RGS7: variants seen among roughly 807,000 people sequenced by gnomAD.
RGS7 encodes regulator of G protein signaling 7, also known as regulator of G-protein signaling 7.
In RGS7, 27 loss-of-function variants were observed where a neutral mutation model predicts 81.1. The ratio of observed to expected loss-of-function variants is 0.33; its 90% CI spans 0.25 to 0.46. The LOEUF (loss-of-function observed/expected upper bound fraction) is 0.46. RGS7 is among the 20% of genes least tolerant of loss of function. The pLI, the probability that RGS7 is intolerant of heterozygous loss-of-function variation, is 1.00. For synonymous variants in RGS7, 208 were observed against 207.7 expected (o/e 1.00, Z -0.01); for missense variants, 396 against 607.4 (o/e 0.65, Z 3.66).
Position 240,944,300 on chromosome 1 carries a change from A to ATATATGTG in RGS7, c.227-7595_227-7594insCACATATA, listed in dbSNP as rs1678207476. Among the ~76,000 whole-genome samples the ATATATGTG allele has an allele frequency of 2.0e-5, 2 of 100,032 alleles. 1 individual carries two copies. Among genetic ancestry groups the ATATATGTG allele is most frequent in the South Asian group, 7.5e-4 (2 of 2,664 alleles). 65.6% of individuals were successfully genotyped at this position (100,032 alleles called of 152,430 possible). On this transcript the variant is annotated intron_variant, in intron 4 of 18. Transcript: ENST00000440928. ...TGTGTGTGTATATATATATATATAT[A>ATATATGTG]TATATATATATATATATATATATAT...
intron 3 of RGS7, among the ~76,000 whole-genome samples, chr1:241,062,565 T>C (rs950353537): frequency 3.9e-5 from 6 of 152,174 alleles, no homozygotes; most frequent in African/African-American, 7.2e-5. Flanking sequence ...TCAAAATAGG[T>C]GACCTAGAAC....
chr1:241,334,264 T>A (rs1443423138), intron 2 of RGS7, among the ~76,000 whole-genome samples: 1 of 152,106 alleles, frequency 6.6e-6, no homozygotes, highest in Admixed American at 6.6e-5. Flanking sequence ...CTTTTTCCCA[T>A]AAAGAGTAAT....
At chr1:241,120,712 T>A (rs993048634) in intron 2 of RGS7, among the ~76,000 whole-genome samples, 1 of 152,038 alleles carries the variant, frequency 6.6e-6, no homozygotes, top group African/African-American at 2.4e-5. Context: ...AGTACACATA[T>A]GTGTCCAAAA....
intron 2 of RGS7, among the ~76,000 whole-genome samples, chr1:241,268,321 A>T (rs79609565): frequency 0.21 from 31,229 of 152,034 alleles, 4,076 homozygotes; most frequent in African/African-American, 0.34. Context: ...GGGTTTCTCA[A>T]CCTCGGCACT....
chr1:241,000,143 GGT>G (rs1428666127), intron 3 of RGS7, among the ~76,000 whole-genome samples: 3 of 152,098 alleles, frequency 2.0e-5, no homozygotes, highest in Non-Finnish European at 4.4e-5. Flanking sequence ...GGAGAAGTGG[GGT>G]GTTATTACTA....
At chr1:241,193,686 G>A (rs1452731539) in intron 2 of RGS7, among the ~76,000 whole-genome samples, 1 of 152,156 alleles carries the variant, frequency 6.6e-6, no homozygotes, top group East Asian at 1.9e-4. Flanking sequence ...ACCAAGTAGG[G>A]ACAGGGTCTG....
chr1:241,318,288 A>G (rs1167499199), intron 2 of RGS7, among the ~76,000 whole-genome samples: 2 of 152,206 alleles, frequency 1.3e-5, no homozygotes, highest in African/African-American at 4.8e-5. Flanking sequence ...AATATTTCAC[A>G]TTAAATATAA....
rs548223372 is a variant in RGS7 at position 240,930,665 on chromosome 1, C to T, written c.385+52G>A. The T allele has an allele frequency of 2.0e-6, 3 of 1,502,938 alleles. No individual in the cohort carries two copies. The African/African-American group carries it at 4.1e-5, about 21-fold the overall frequency. 93.1% of individuals were successfully genotyped at this position (1,502,938 alleles called of 1,614,324 possible). A position where few individuals can be genotyped will look rare whatever the true frequency, so the allele number is the denominator to read the frequency against. ...AAAGCAATAAAACGCAAGTACACATCCATCTACACATACAGGCTGTCAATA... is the reference window on the plus strand; with the variant it reads ...AAAGCAATAAAACGCAAGTACACATTCATCTACACATACAGGCTGTCAATA... On this transcript the variant is annotated intron_variant, in intron 6 of 18. Transcript: ENST00000440928.
At chr1:241,160,744 G>T (rs181887612) in intron 2 of RGS7, among the ~76,000 whole-genome samples, 1 of 152,236 alleles carries the variant, frequency 6.6e-6, no homozygotes, top group African/African-American at 2.4e-5. Flanking sequence ...TGATATCTAC[G>T]TTGCCCTGGG....
At chr1:241,110,571 G>A (rs939902210) in intron 2 of RGS7, among the ~76,000 whole-genome samples, 6 of 152,082 alleles carry the variant, frequency 3.9e-5, no homozygotes, top group South Asian at 2.1e-4. Context: ...CTGAGATTCC[G>A]GCAGGAAGGA....
chr1:240,859,404 G>C, intron 9 of RGS7, among the ~76,000 whole-genome samples: 1 of 140,248 alleles, frequency 7.1e-6, no homozygotes, highest in South Asian at 2.3e-4. Flanking sequence ...TTCTTGGTAA[G>C]TTTTAGTACA....
intron 4 of RGS7, among the ~76,000 whole-genome samples, chr1:240,966,266 C>G (rs551167837): frequency 6.6e-6 from 1 of 152,000 alleles, no homozygotes; most frequent in African/African-American, 2.4e-5. Flanking sequence ...TGTCATGACA[C>G]TTTACAATGG....
chr1:241,348,945 G>A (rs928991270), intron 2 of RGS7, among the ~76,000 whole-genome samples: 3 of 151,986 alleles, frequency 2.0e-5, no homozygotes, highest in African/African-American at 7.2e-5. Flanking sequence ...GTAACATAGG[G>A]TACCCCACCT....
chr1:241,049,373 G>GAC (rs1223034400), intron 3 of RGS7, among the ~76,000 whole-genome samples: 1 of 152,116 alleles, frequency 6.6e-6, no homozygotes, highest in African/African-American at 2.4e-5. Context: ...AGATGCATTA[G>GAC]ACACACACAC....
intron 2 of RGS7, among the ~76,000 whole-genome samples, chr1:241,332,130 T>A (rs2082010044): frequency 6.6e-6 from 1 of 152,134 alleles, no homozygotes; most frequent in Admixed American, 6.5e-5. Flanking sequence ...AAAGTAATCA[T>A]GCAAGGAACA....
In RGS7 at chr1:240,880,178, A is replaced by C. The variant is rs865918070; in HGVS notation, c.386-10059T>G. ...TGCCTCAGCCTCCTGAATAGCTGAG[A>C]CTCACAGGCACATGCCACCATGCCT... On this transcript the variant is annotated intron_variant, in intron 6 of 18. Transcript: ENST00000440928. Among the ~76,000 whole-genome samples, 5 of 152,236 alleles carry C rather than the reference A, an allele frequency of 3.3e-5. No homozygotes were observed. The South Asian group carries it at 6.2e-4, about 19-fold the overall frequency.
intron 6 of RGS7, among the ~76,000 whole-genome samples, chr1:240,877,346 T>G (rs1665602181): frequency 6.7e-6 from 1 of 150,300 alleles, no homozygotes; most frequent in Non-Finnish European, 1.5e-5. Context: ...AGAAAAAATA[T>G]ATAAAGTAAA....
chr1:241,246,869 GGGA>G (rs2148183248), intron 2 of RGS7, among the ~76,000 whole-genome samples: 1 of 152,064 alleles, frequency 6.6e-6, no homozygotes, highest in African/African-American at 2.4e-5. Flanking sequence ...CAGGAAGTAG[GGGA>G]TACATGAACG....
chr1:241,130,620 T>C (rs2067007898), intron 2 of RGS7, among the ~76,000 whole-genome samples: 4 of 152,128 alleles, frequency 2.6e-5, no homozygotes, highest in Admixed American at 2.0e-4. Flanking sequence ...AAAAAGGTAT[T>C]TCTGAGTTGA....
Sources: gnomAD v4.1 joint callset for allele counts (sites outside exome capture counted in the v4.1 genomes callset) on GRCh38, gnomAD v4.1.1 for gene constraint, MANE v1.5 for transcripts, NCBI Gene and HGNC (gene_info 2026-07-23, HGNC 2026-07-21) for gene names.